Variants in MEIS2 observed in about 807,000 individuals in gnomAD.
The protein encoded by MEIS2 is Meis homeobox 2.
Under a neutral mutation model 58.6 loss-of-function variants are expected in MEIS2, and 9 were observed. The observed-to-expected ratio is 0.15, with a 90% confidence interval of 0.09 to 0.27. MEIS2 has a LOEUF of 0.27. Among genes scored for constraint, MEIS2 ranks in the 10% least tolerant of loss-of-function variants. The pLI is 1.00. For missense variants in MEIS2, 427 were observed against 635.0 expected (o/e 0.67, Z 3.52); for synonymous variants, 221 against 228.4 (o/e 0.97, Z 0.29).
chr15:36,939,587 G>C (rs8024995), intron 9 of MEIS2, among the ~76,000 whole-genome samples: 2,253 of 151,826 alleles, frequency 0.015, 48 homozygotes, highest in African/African-American at 0.052. Flanking sequence ...TGGTGTTATT[G>C]GGAAAATCAT....
intron 11 of MEIS2, chr15:36,894,705 G>T: frequency 6.3e-7 from 1 of 1,590,770 alleles, no homozygotes; most frequent in South Asian, 1.1e-5. Context: ...GATCGCACCC[G>T]ACTGTACTTA....
chr15:37,036,170 A>G (rs1035395258), intron 8 of MEIS2, among the ~76,000 whole-genome samples: 1 of 152,268 alleles, frequency 6.6e-6, no homozygotes, highest in African/African-American at 2.4e-5. Context: ...AATGTCTCAC[A>G]TAGTAAAACC....
At chr15:36,985,736 G>A (rs545289266) in intron 8 of MEIS2, among the ~76,000 whole-genome samples, 1 of 152,236 alleles carries the variant, frequency 6.6e-6, no homozygotes, top group South Asian at 2.1e-4. Flanking sequence ...GTTATAGAAA[G>A]GTCACAGTTG....
chr15:36,970,606 A>G (rs1217370773), intron 8 of MEIS2, among the ~76,000 whole-genome samples: 1 of 152,208 alleles, frequency 6.6e-6, no homozygotes, highest in Non-Finnish European at 1.5e-5. Flanking sequence ...ACTGTCTCCA[A>G]CATAGCACAA....
intron 7 of MEIS2, among the ~76,000 whole-genome samples, chr15:37,083,298 T>G (rs933185336): frequency 4.6e-5 from 7 of 152,332 alleles, no homozygotes; most frequent in Admixed American, 3.9e-4. Context: ...CAAGATAAGA[T>G]TCCATGTAAA....
chr15:37,067,088 C>CTTT (rs542247552), intron 7 of MEIS2, among the ~76,000 whole-genome samples: 3 of 129,572 alleles, frequency 2.3e-5, no homozygotes, highest in Non-Finnish European at 3.3e-5. Context: ...GCAACTAACT[C>CTTT]TTTTTTTTTT....
intron 8 of MEIS2, among the ~76,000 whole-genome samples, chr15:36,982,018 G>A (rs943489375): frequency 9.9e-5 from 15 of 152,000 alleles, no homozygotes; most frequent in Non-Finnish European, 1.9e-4. Flanking sequence ...CTGGTTCTCC[G>A]GCCTTTGGAA....
intron 9 of MEIS2, among the ~76,000 whole-genome samples, chr15:36,945,496 T>G (rs1011590989): frequency 6.6e-6 from 1 of 152,102 alleles, no homozygotes; most frequent in Non-Finnish European, 1.5e-5. Context: ...GGGTGGTTAA[T>G]GAGCCTTCCT....
chr15:37,025,749 T>G (rs1232737142), intron 8 of MEIS2, among the ~76,000 whole-genome samples: 1 of 140,088 alleles, frequency 7.1e-6, no homozygotes, highest in Non-Finnish European at 1.5e-5. Context: ...TCAAACTTGC[T>G]CTGCAAAAAA....
intron 6 of MEIS2, among the ~76,000 whole-genome samples, chr15:37,091,283 C>T (rs554805250): frequency 6.6e-6 from 1 of 152,160 alleles, no homozygotes; most frequent in South Asian, 2.1e-4. Context: ...ATGGTGAAAA[C>T]TCTCCAAGGT....
At chr15:37,074,816 C>A (rs1463306656) in intron 7 of MEIS2, among the ~76,000 whole-genome samples, 1 of 151,980 alleles carries the variant, frequency 6.6e-6, no homozygotes, top group Non-Finnish European at 1.5e-5. Flanking sequence ...TAGGTCTGTG[C>A]CCTTTTCAAT....
At chr15:37,057,901 C>T (rs1888653779) in intron 7 of MEIS2, among the ~76,000 whole-genome samples, 2 of 152,002 alleles carry the variant, frequency 1.3e-5, no homozygotes, top group Middle Eastern at 3.2e-3. Context: ...ACCACACGGG[C>T]GTGGAGTGTA....
intron 7 of MEIS2, among the ~76,000 whole-genome samples, chr15:37,064,986 A>G (rs1326648762): frequency 6.6e-6 from 1 of 152,210 alleles, no homozygotes; most frequent in African/African-American, 2.4e-5. Context: ...AAAACTTTGA[A>G]CATAGGATAC....
chr15:36,889,862 A>C lies in MEIS2; in HGVS notation c.*2311T>G, dbSNP rs192092365. ...GAATAGCAAAAATGAGAGGGAAGCT[A>C]TCTCTCTTTCCCAAGTGGCACTGAA... On this transcript the variant is annotated 3_prime_UTR_variant, in exon 12 of 12. Coordinates refer to ENST00000561208, the MANE Select transcript of MEIS2 (RefSeq NM_170675.5). The C allele has an allele frequency of 9.8e-4, 150 of 152,334 alleles. No homozygotes were observed. Among genetic ancestry groups the C allele is most frequent in the African/African-American group, 3.2e-3 (132 of 41,580 alleles). The allele number at this position is 152,334 out of a possible 1,614,324, so 9.4% of individuals were successfully genotyped here.
chr15:36,906,667 A>C (rs1003323036), intron 9 of MEIS2, among the ~76,000 whole-genome samples: 2 of 151,740 alleles, frequency 1.3e-5, no homozygotes, highest in Non-Finnish European at 2.9e-5. Flanking sequence ...AAAAAAAAAA[A>C]AAAACAAGGA....
chr15:36,994,009 G>A (rs1415183366), intron 8 of MEIS2, among the ~76,000 whole-genome samples: 1 of 152,004 alleles, frequency 6.6e-6, no homozygotes, highest in East Asian at 1.9e-4. Flanking sequence ...ATTTTAGATT[G>A]AACGCTTTGT....
intron 10 of MEIS2, 128 bp from the exon 11 acceptor site, chr15:36,895,389 G>T: frequency 1.3e-6 from 1 of 741,972 alleles, no homozygotes; most frequent in Non-Finnish European, 2.2e-6. Flanking sequence ...AAATGGGGGT[G>T]TGGTTTGTCT....
chr15:37,069,810 A>G (rs543659045), intron 7 of MEIS2, among the ~76,000 whole-genome samples: 2 of 152,146 alleles, frequency 1.3e-5, no homozygotes, highest in Non-Finnish European at 2.9e-5. Context: ...GATCTAGGAC[A>G]GTGAGATGTA....
intron 1 of MEIS2, 166 bp downstream of exon 1, chr15:37,099,289 C>G: frequency 6.7e-7 from 1 of 1,486,518 alleles, no homozygotes; most frequent in Non-Finnish European, 9.0e-7. Context: ...CGCAGAGGCA[C>G]GGGAGGGAAA....
Sources: allele counts gnomAD v4.1 joint callset (sites outside exome capture counted in the v4.1 genomes callset), GRCh38; gene constraint gnomAD v4.1.1; transcripts MANE v1.5; gene names NCBI Gene and HGNC (gene_info 2026-07-23, HGNC 2026-07-21).